Variants in MPZL1 observed in about 807,000 individuals in gnomAD.
MPZL1 encodes the protein myelin protein zero like 1, also known as myelin protein zero-like protein 1.
MPZL1 carries 16 observed loss-of-function variants against 29.3 expected under a neutral mutation model. The observed-to-expected ratio is 0.55, with a 90% confidence interval of 0.37 to 0.83. The LOEUF (loss-of-function observed/expected upper bound fraction) is 0.83, where lower values mean the gene tolerates loss of function less well. MPZL1 is among the 40% of genes least tolerant of loss of function. The probability of loss-of-function intolerance (pLI) is 0.00; values close to 1 mark genes in which losing one functional copy is unlikely to be tolerated. For missense variants in MPZL1, 279 were observed against 332.9 expected (o/e 0.84, Z 1.26); for synonymous variants, 143 against 132.0 (o/e 1.08, Z -0.57).
At chr1:167,775,394 T>G (rs901715718) in intron 4 of MPZL1, among the ~76,000 whole-genome samples, 3 of 152,226 alleles carry the variant, frequency 2.0e-5, no homozygotes, top group Non-Finnish European at 2.9e-5. Context: ...CTTTCTTACT[T>G]CCTGGCATTC....
intron 1 of MPZL1, among the ~76,000 whole-genome samples, chr1:167,749,632 T>C (rs189745600): frequency 7.2e-5 from 11 of 152,386 alleles, no homozygotes; most frequent in Admixed American, 2.0e-4. Flanking sequence ...ATTCTTATTT[T>C]ATACACTGAT....
chr1:167,732,430 T>G (rs6700626), intron 1 of MPZL1, among the ~76,000 whole-genome samples: 7,787 of 151,936 alleles, frequency 0.051, 655 homozygotes, highest in African/African-American at 0.18. Flanking sequence ...CAAAATACAG[T>G]TTAGTTATTT....
intron 1 of MPZL1, among the ~76,000 whole-genome samples, chr1:167,739,854 A>G (rs779724922): frequency 2.0e-4 from 30 of 152,104 alleles, no homozygotes; most frequent in Admixed American, 3.9e-4. Flanking sequence ...CAACTCCACA[A>G]TCTTTTCCCA....
At chr1:167,753,013 G>A (rs1234755223) in intron 1 of MPZL1, among the ~76,000 whole-genome samples, 1 of 152,226 alleles carries the variant, frequency 6.6e-6, no homozygotes, top group Non-Finnish European at 1.5e-5. Context: ...GGGAGCTGAA[G>A]TTAATTGCAA....
At chr1:167,762,667 G>A (rs1406847320) in intron 1 of MPZL1, among the ~76,000 whole-genome samples, 1 of 152,202 alleles carries the variant, frequency 6.6e-6, no homozygotes, top group Non-Finnish European at 1.5e-5. Flanking sequence ...CCCTTAGGCT[G>A]AACTTAAAAT....
chr1:167,735,655 G>A (rs1660362792), intron 1 of MPZL1, among the ~76,000 whole-genome samples: 1 of 152,130 alleles, frequency 6.6e-6, no homozygotes, highest in Admixed American at 6.6e-5. Flanking sequence ...GGAGACCTAG[G>A]GAAAAGTTGC....
intron 1 of MPZL1, among the ~76,000 whole-genome samples, chr1:167,745,431 A>G (rs956563398): frequency 4.6e-5 from 7 of 152,128 alleles, no homozygotes; most frequent in African/African-American, 1.7e-4. Context: ...AACCTTGAAC[A>G]CAGGGAATAT....
chr1:167,783,932 C>T (rs946694099), intron 5 of MPZL1, among the ~76,000 whole-genome samples: 3 of 152,152 alleles, frequency 2.0e-5, no homozygotes, highest in Non-Finnish European at 2.9e-5. Flanking sequence ...CTTAGTGATT[C>T]GTGCTAGGCT....
chr1:167,745,697 A>T (rs914914696), intron 1 of MPZL1, among the ~76,000 whole-genome samples: 3 of 152,068 alleles, frequency 2.0e-5, no homozygotes, highest in African/African-American at 7.2e-5. Flanking sequence ...TTTACTATGC[A>T]TATCCTGGGT....
chr1:167,755,448 G>C (rs1660849687), intron 1 of MPZL1, among the ~76,000 whole-genome samples: 1 of 152,160 alleles, frequency 6.6e-6, no homozygotes, highest in Non-Finnish European at 1.5e-5. Flanking sequence ...CCTGGGAAGT[G>C]TAAAATATGT....
At chr1:167,727,719 G>A (rs1017473666) in intron 1 of MPZL1, among the ~76,000 whole-genome samples, 7 of 152,128 alleles carry the variant, frequency 4.6e-5, no homozygotes, top group Non-Finnish European at 1.0e-4. Flanking sequence ...CCAGACAAAA[G>A]TCTTTGGAAT....
rs1661098637 is a variant in MPZL1 at position 167,765,606 on chromosome 1, G to A, written c.115G>A (p.Glu39Lys). 1 of 1,612,012 alleles carries A rather than the reference G, an allele frequency of 6.2e-7. No individual in the cohort carries two copies. Among genetic ancestry groups the A allele is most frequent in the Admixed American group, 1.7e-5 (1 of 59,722 alleles). Reference sequence around the variant, plus strand: ...AGTGACAGCTGGAGTATCAGCCTTGGAAGTATATACGCCAAAAGAAATCTT... The same window carrying A: ...AGTGACAGCTGGAGTATCAGCCTTGAAAGTATATACGCCAAAAGAAATCTT... ...GLLTAGVSAL[E>K]VYTPKEIFVA... is the part of the protein sequence containing the mutation. Residue 39 changes from glutamate (E) to lysine (K), a missense_variant, in exon 2 of 6, where the codon GAA becomes AAA. By Grantham distance (56) the Glu-to-Lys change is moderately conservative. Coordinates refer to ENST00000359523, the MANE Select transcript of MPZL1 (RefSeq NM_003953.6).
chr1:167,730,224 T>C (rs1660233815), intron 1 of MPZL1, among the ~76,000 whole-genome samples: 1 of 152,184 alleles, frequency 6.6e-6, no homozygotes, highest in Non-Finnish European at 1.5e-5. Context: ...TGCCACCCAA[T>C]ACTCTAAATG....
At chr1:167,726,107 A>G (rs1014154689) in intron 1 of MPZL1, among the ~76,000 whole-genome samples, 1 of 152,114 alleles carries the variant, frequency 6.6e-6, no homozygotes, top group African/African-American at 2.4e-5. Context: ...TATGACCTCA[A>G]CTTGTACCAC....
intron 1 of MPZL1, among the ~76,000 whole-genome samples, chr1:167,755,053 G>A (rs913090386): frequency 6.6e-6 from 1 of 152,092 alleles, no homozygotes; most frequent in African/African-American, 2.4e-5. Flanking sequence ...ATTTACGTTA[G>A]GGTTCCTTCT....
intron 1 of MPZL1, 25 bp from the exon 2 acceptor site, chr1:167,765,558 A>T: frequency 1.9e-6 from 3 of 1,576,548 alleles, no homozygotes; most frequent in Middle Eastern, 1.7e-4. Context: ...CCTACTTTCA[A>T]CTACCCTTAT....
At position 167,769,436 on chromosome 1, in the gene MPZL1, G is replaced by A. The variant is rs1014622550; in HGVS notation, c.259-2839G>A. On this transcript the variant is annotated intron_variant, in intron 2 of 5. Coordinates refer to ENST00000359523, the MANE Select transcript of MPZL1 (RefSeq NM_003953.6). ...GTGTTCCCTGAGCTTGGGGTTCCTC[G>A]GCTGTGATGCAACGCCTCTGCCTGC... Among the ~76,000 whole-genome samples, 6 of 152,278 alleles carry A rather than the reference G, an allele frequency of 3.9e-5. 1 individual carries two copies. The East Asian group carries it at 7.7e-4, about 20-fold the overall frequency.
At chr1:167,764,184 A>G (rs1024446227) in intron 1 of MPZL1, among the ~76,000 whole-genome samples, 1 of 152,080 alleles carries the variant, frequency 6.6e-6, no homozygotes, top group African/African-American at 2.4e-5. Flanking sequence ...GGGCCAAATA[A>G]GTTTTTTTTT....
intron 1 of MPZL1, among the ~76,000 whole-genome samples, chr1:167,736,418 G>T (rs754566462): frequency 2.0e-5 from 3 of 152,064 alleles, no homozygotes; most frequent in Non-Finnish European, 4.4e-5. Context: ...CATACAACTG[G>T]ACATACCCAT....
Sources: gnomAD v4.1 joint callset for allele counts (sites outside exome capture counted in the v4.1 genomes callset) on GRCh38, gnomAD v4.1.1 for gene constraint, MANE v1.5 for transcripts, NCBI Gene and HGNC (gene_info 2026-07-23, HGNC 2026-07-21) for gene names.